Variants in GLI2 observed in about 807,000 individuals in gnomAD.
GLI2 encodes GLI family zinc finger 2.
GLI2 carries 22 observed loss-of-function variants against 78.9 expected under a neutral mutation model. The observed-to-expected ratio is 0.28, with a 90% CI of 0.20 to 0.40. The LOEUF (loss-of-function observed/expected upper bound fraction) is 0.40, where lower values mean the gene tolerates loss of function less well. Among genes scored for constraint, GLI2 ranks in the 10% least tolerant of loss-of-function variants. GLI2 has a pLI of 1.00. For synonymous variants in GLI2, 974 were observed against 963.7 expected, an observed-to-expected ratio of 1.01 and a Z score of -0.20; for missense variants, 2,097 against 2,213.2, an observed-to-expected ratio of 0.95 and a Z score of 1.05.
intron 1 of GLI2, among the ~76,000 whole-genome samples, chr2:120,758,099 C>T (rs1213103808): frequency 2.6e-5 from 4 of 152,258 alleles, no homozygotes; most frequent in Admixed American, 2.6e-4. Context: ...CTGGTGTGGC[C>T]AGCGGGTGTG....
At chr2:120,941,092 G>A (rs937090008) in intron 3 of GLI2, among the ~76,000 whole-genome samples, 4 of 152,232 alleles carry the variant, frequency 2.6e-5, no homozygotes, top group African/African-American at 9.6e-5. Context: ...AGCAATGAAT[G>A]TCTGCAAACT....
At chr2:120,978,700 G>A in intron 10 of GLI2, 117 bp downstream of exon 10, 1 of 1,136,330 alleles carries the variant, frequency 8.8e-7, no homozygotes, top group Non-Finnish European at 1.3e-6. Context: ...GCAGACCACA[G>A]CAGGGGCTCT....
intron 1 of GLI2, among the ~76,000 whole-genome samples, chr2:120,753,244 C>T (rs992115742): frequency 1.6e-4 from 24 of 151,910 alleles, no homozygotes; most frequent in African/African-American, 2.2e-4. Flanking sequence ...TATAGGCGTC[C>T]GCCACCACGC....
chr2:120,803,054 C>T (rs1177304772), intron 2 of GLI2, among the ~76,000 whole-genome samples: 1 of 152,216 alleles, frequency 6.6e-6, no homozygotes, highest in African/African-American at 2.4e-5. Flanking sequence ...TGGGTCTTCC[C>T]ATACATAAAA....
At chr2:120,911,942 A>G (rs945134677) in intron 2 of GLI2, among the ~76,000 whole-genome samples, 22 of 152,086 alleles carry the variant, frequency 1.4e-4, no homozygotes, top group African/African-American at 5.3e-4. Context: ...GGAGGTCCTG[A>G]GTGCCAGGCT....
chr2:120,845,166 G>A (rs560345315), intron 2 of GLI2, among the ~76,000 whole-genome samples: 2 of 152,192 alleles, frequency 1.3e-5, no homozygotes, highest in African/African-American at 2.4e-5. Flanking sequence ...CCAGCTGTTC[G>A]GGAGGCTGAG....
Position 120,990,687 on chromosome 2 carries a change from C to T in GLI2, c.*12C>T. 6.2e-7 allele frequency: 1 copy of T among 1,608,664 alleles called. No individual in the cohort carries two copies. Among genetic ancestry groups the T allele is most frequent in the Non-Finnish European group, 8.5e-7 (1 of 1,177,790 alleles). ...ACATGATGACCTAGAGGCCCGAGCG[C>T]CTGGTGCTGAGTGCACCCGGAGGGG... On this transcript the variant is annotated 3_prime_UTR_variant, in exon 14 of 14. Coordinates refer to ENST00000361492, the MANE Select transcript of GLI2 (RefSeq NM_001374353.1).
At chr2:120,850,323 A>G (rs750473050) in intron 2 of GLI2, among the ~76,000 whole-genome samples, 1 of 152,120 alleles carries the variant, frequency 6.6e-6, no homozygotes, top group South Asian at 2.1e-4. Flanking sequence ...GAACAGAACA[A>G]AACAAAACTA....
chr2:120,760,399 A>G (rs982229303), intron 1 of GLI2, among the ~76,000 whole-genome samples: 17 of 152,174 alleles, frequency 1.1e-4, no homozygotes. Flanking sequence ...GAACCTTCCC[A>G]GGACTGGAAG....
chr2:120,968,405 G>A (rs546574027), intron 5 of GLI2, among the ~76,000 whole-genome samples: 14 of 152,264 alleles, frequency 9.2e-5, no homozygotes, highest in African/African-American at 3.1e-4. Flanking sequence ...AAGCATTGCT[G>A]GATTCCAGCC....
chr2:120,842,866 T>C (rs375343805), intron 2 of GLI2, among the ~76,000 whole-genome samples: 23 of 152,354 alleles, frequency 1.5e-4, no homozygotes, highest in African/African-American at 5.5e-4. Context: ...TGCCTGTGAA[T>C]TCAAATAATA....
At chr2:120,926,139 A>G (rs1456701101) in intron 2 of GLI2, among the ~76,000 whole-genome samples, 1 of 151,986 alleles carries the variant, frequency 6.6e-6, no homozygotes, top group Non-Finnish European at 1.5e-5. Flanking sequence ...ACTGCAAGAA[A>G]AAAAAAAAGA....
chr2:120,940,902 G>A (rs1346087311), intron 3 of GLI2, among the ~76,000 whole-genome samples: 1 of 152,190 alleles, frequency 6.6e-6, no homozygotes, highest in Non-Finnish European at 1.5e-5. Flanking sequence ...CGGGGCCCTG[G>A]CCGGGTCTGT....
chr2:120,952,194 A>G (rs991394346), intron 4 of GLI2, among the ~76,000 whole-genome samples: 1 of 152,216 alleles, frequency 6.6e-6, no homozygotes, highest in African/African-American at 2.4e-5. Flanking sequence ...ATAGCATGGC[A>G]TGGCCCCGTG....
chr2:120,811,228 A>G (rs546246829), intron 2 of GLI2, among the ~76,000 whole-genome samples: 1 of 152,250 alleles, frequency 6.6e-6, no homozygotes, highest in African/African-American at 2.4e-5. Context: ...AGACCCGGAG[A>G]GGCCTGGGCA....
chr2:120,879,562 G>A (rs767393310), intron 2 of GLI2, among the ~76,000 whole-genome samples: 5 of 152,148 alleles, frequency 3.3e-5, no homozygotes, highest in East Asian at 3.9e-4. Flanking sequence ...CACAGTGGTC[G>A]GATGGCACCC....
intron 13 of GLI2, among the ~76,000 whole-genome samples, chr2:120,987,967 A>G (rs551549449): frequency 1.2e-3 from 179 of 152,254 alleles, no homozygotes; most frequent in African/African-American, 3.8e-3. Flanking sequence ...ACGGTGGCCC[A>G]CGTATGCCCT....
chr2:120,974,928 AG>A lies in GLI2; in HGVS notation c.1183-45del, dbSNP rs771980421. On this transcript the variant is annotated intron_variant, in intron 8 of 13. Transcript: ENST00000361492. ...CTAACAGCGACCTCTTTTCAGGGCC[AG>A]GTGTCTGGACACGGCTCATGTGGGT... 1.9e-6 allele frequency: 3 copies of A among 1,614,212 alleles called. No individual in the cohort carries two copies. Among genetic ancestry groups the A allele is most frequent in the East Asian group, 4.5e-5 (2 of 44,886 alleles).
chr2:120,970,542 C>T lies in GLI2; in HGVS notation c.995C>T (p.Thr332Ile). 6.2e-7 allele frequency: 1 copy of T among 1,614,192 alleles called. No individual in the cohort carries two copies. Among genetic ancestry groups the T allele is most frequent in the Non-Finnish European group, 8.5e-7 (1 of 1,180,028 alleles). ...TFLAQQPMALTSINATPTQLS... is the reference protein window; with the variant it reads ...TFLAQQPMALISINATPTQLS... The stretch of plus-strand genomic sequence containing the variant: ...CTGGCCCAGCAGCCCATGGCCCTCA[C>T]CTCCATCAATGCCACGCCCACCCAG... Residue 332 changes from threonine to isoleucine, a missense_variant, in exon 7 of 14, where the codon ACC (threonine) becomes ATC (isoleucine). Coordinates refer to ENST00000361492, the MANE Select transcript of GLI2 (RefSeq NM_001374353.1).
Sources: gnomAD v4.1 joint callset for allele counts (sites outside exome capture counted in the v4.1 genomes callset) on GRCh38, gnomAD v4.1.1 for gene constraint, MANE v1.5 for transcripts, NCBI Gene and HGNC (gene_info 2026-07-23, HGNC 2026-07-21) for gene names.